CFAP92: variants seen among roughly 807,000 people sequenced by gnomAD.
CFAP92 encodes cilia and flagella associated protein 92 (putative), also known as uncharacterized protein CFAP92.
Under a neutral mutation model 106.3 loss-of-function variants are expected in CFAP92, and 86 were observed. The observed-to-expected ratio is 0.81, with a 90% CI of 0.68 to 0.97. The LOEUF (loss-of-function observed/expected upper bound fraction) is 0.97. Among genes scored for constraint, CFAP92 ranks in the 50% least tolerant of loss-of-function variants. CFAP92 has a pLI of 0.00. For synonymous variants in CFAP92, 477 were observed against 506.4 expected (o/e 0.94, Z 0.78); for missense variants, 1,204 against 1,283.8 (o/e 0.94, Z 0.95).
At chr3:128,963,721 T>A (rs944217852) in intron 9 of CFAP92, among the ~76,000 whole-genome samples, 5 of 150,246 alleles carry the variant, frequency 3.3e-5, no homozygotes, top group African/African-American at 5.0e-5. Flanking sequence ...AGGCAGGCTA[T>A]GCTATAGTAC....
At chr3:129,001,157 G>T (rs978339490) in intron 1 of CFAP92, among the ~76,000 whole-genome samples, 1 of 152,214 alleles carries the variant, frequency 6.6e-6, no homozygotes, top group Non-Finnish European at 1.5e-5. Flanking sequence ...GCAACCGGAC[G>T]AGGCCGCCAC....
intron 15 of CFAP92, chr3:128,910,676 T>C: frequency 6.3e-7 from 1 of 1,588,724 alleles, no homozygotes; most frequent in Non-Finnish European, 8.6e-7. Context: ...TAGGCTGGGT[T>C]TTTGAAGCTC....
At chr3:128,964,013 G>A (rs1942168501) in intron 9 of CFAP92, among the ~76,000 whole-genome samples, 1 of 152,174 alleles carries the variant, frequency 6.6e-6, no homozygotes, top group African/African-American at 2.4e-5. Flanking sequence ...GGTCTGAGAA[G>A]GCCACCGCAG....
At chr3:128,925,981 C>T (rs1394136325) in intron 12 of CFAP92, among the ~76,000 whole-genome samples, 1 of 152,146 alleles carries the variant, frequency 6.6e-6, no homozygotes, top group Non-Finnish European at 1.5e-5. Context: ...AACTGATACT[C>T]ACAAACACTT....
At position 128,986,585 on chromosome 3, in the gene CFAP92, T is replaced by G. The variant is rs543320582; in HGVS notation, c.667+1031A>C. ...TTACAATTAATGCCATGTCATAGTT[T>G]AGTTAGTAGCATTTAATTACAGTTC... is the stretch of plus-strand genomic sequence containing the variant. On this transcript the variant is annotated intron_variant, in intron 4 of 15. Coordinates refer to ENST00000645291, the MANE Select transcript of CFAP92 (RefSeq NM_001394090.1). Among the ~76,000 whole-genome samples the G allele has an allele frequency of 3.9e-5, 6 of 152,342 alleles. No homozygotes were observed. The South Asian group carries it at 1.2e-3, about 32-fold the overall frequency.
intron 13 of CFAP92, 60 bp from the exon 14 acceptor site, chr3:128,915,623 C>A: frequency 8.7e-7 from 1 of 1,154,156 alleles, no homozygotes; most frequent in Non-Finnish European, 1.2e-6. Context: ...GGATTTATTT[C>A]CAAGTAGGAA....
intron 15 of CFAP92, chr3:128,912,846 T>G (rs1936498547): frequency 1.5e-6 from 1 of 667,066 alleles, no homozygotes. Flanking sequence ...GAGAATGGAA[T>G]TGCTGACCCC....
At chr3:129,008,112 T>C in the CFAP92 span, among the ~76,000 whole-genome samples, 2 of 152,248 alleles carry the variant, frequency 1.3e-5, no homozygotes, top group Admixed American at 1.3e-4. Context: ...AGGCCCTGAT[T>C]CTAGACCAGT....
At chr3:128,975,207 C>T (rs1287925664) in intron 7 of CFAP92, among the ~76,000 whole-genome samples, 1 of 152,164 alleles carries the variant, frequency 6.6e-6, no homozygotes, top group African/African-American at 2.4e-5. Context: ...TTTTATGCCT[C>T]CCCAACATAC....
chr3:128,974,352 C>T (rs1943008751), intron 7 of CFAP92, among the ~76,000 whole-genome samples: 1 of 152,208 alleles, frequency 6.6e-6, no homozygotes, highest in Admixed American at 6.5e-5. Flanking sequence ...CCACCTCACA[C>T]TGGAAACACA....
intron 10 of CFAP92, among the ~76,000 whole-genome samples, chr3:128,941,044 T>C (rs1939568717): frequency 6.6e-6 from 1 of 152,188 alleles, no homozygotes; most frequent in Non-Finnish European, 1.5e-5. Context: ...TTCAAATTCA[T>C]GAACATGGTA....
intron 9 of CFAP92, among the ~76,000 whole-genome samples, chr3:128,947,973 C>T (rs1177079639): frequency 2.0e-5 from 3 of 151,720 alleles, no homozygotes. Context: ...AAACACAATG[C>T]ATACATGAAA....
intron 9 of CFAP92, among the ~76,000 whole-genome samples, chr3:128,948,504 G>A (rs1158496735): frequency 3.5e-5 from 5 of 144,034 alleles, no homozygotes; most frequent in South Asian, 2.2e-4. Flanking sequence ...GATAACAGGC[G>A]TGAGCCACCG....
At position 128,922,174 on chromosome 3, in the gene CFAP92, C is replaced by T. The variant is rs576263473; in HGVS notation, c.2752-5903G>A. Among the ~76,000 whole-genome samples the T allele has an allele frequency of 4.0e-5, 6 of 150,596 alleles. No homozygotes were observed. In the South Asian group the frequency reaches 1.3e-3, roughly 32 times the overall value. On this transcript the variant is annotated intron_variant, in intron 12 of 15. Coordinates refer to ENST00000645291, the MANE Select transcript of CFAP92 (RefSeq NM_001394090.1). ...CTAACACGGTGAAACCCCGTCTCTACTAAAAATACAAAAAAAAAATTAGCT... is the reference window on the plus strand; with the variant it reads ...CTAACACGGTGAAACCCCGTCTCTATTAAAAATACAAAAAAAAAATTAGCT...
intron 12 of CFAP92, among the ~76,000 whole-genome samples, chr3:128,923,980 G>C (rs796993362): frequency 3.3e-4 from 51 of 152,250 alleles, no homozygotes; most frequent in African/African-American, 1.2e-3. Flanking sequence ...CTCTATACTT[G>C]GCAGATTTTG....
intron 1 of CFAP92, chr3:129,001,850 GC>G: frequency 6.5e-7 from 1 of 1,545,932 alleles, no homozygotes; most frequent in Non-Finnish European, 8.7e-7. Context: ...CCGGCCGTCT[GC>G]CCCGCGCCGA....
intron 4 of CFAP92, among the ~76,000 whole-genome samples, chr3:128,979,051 A>G (rs1455070900): frequency 6.6e-6 from 1 of 152,224 alleles, no homozygotes; most frequent in Non-Finnish European, 1.5e-5. Flanking sequence ...CAACCTACTC[A>G]TCTGATAAAG....
chr3:128,932,872 A>T lies in CFAP92; in HGVS notation c.2579T>A (p.Leu860His), dbSNP rs1462150539. 6.5e-5 allele frequency: 100 copies of T among 1,536,040 alleles called. No individual in the cohort carries two copies. Among genetic ancestry groups the T allele is most frequent in the Non-Finnish European group, 8.5e-5 (97 of 1,146,924 alleles). Residue 860 changes from leucine (L) to histidine (H), a missense_variant, in exon 12 of 16, where the codon CTC (leucine) becomes CAC (histidine). By Grantham distance (99) the Leu-to-His change is moderately conservative. Coordinates refer to ENST00000645291, the MANE Select transcript of CFAP92 (RefSeq NM_001394090.1). ...EFGMPLSQEELTDEKLFALPP... is the reference protein window; with the variant it reads ...EFGMPLSQEEHTDEKLFALPP... ...TAGGGCAAACAGTTTCTCATCTGTG[A>T]GTTCTTCTTGCGAAAGGGGCATCCC...
chr3:129,015,359 C>T, the CFAP92 span, among the ~76,000 whole-genome samples: 1 of 152,168 alleles, frequency 6.6e-6, no homozygotes, highest in Non-Finnish European at 1.5e-5. Flanking sequence ...TCTTTCACGG[C>T]CCCTGGACTT....
Sources: allele counts gnomAD v4.1 joint callset (sites outside exome capture counted in the v4.1 genomes callset), GRCh38; gene constraint gnomAD v4.1.1; transcripts MANE v1.5; gene names NCBI Gene and HGNC (gene_info 2026-07-23, HGNC 2026-07-21).